The following GYPC variants were observed in gnomAD, a reference collection of about 807,000 sequenced individuals.
GYPC encodes the protein glycophorin-C.
Under a neutral mutation model 12.6 loss-of-function variants are expected in GYPC, and 14 were observed. The ratio of observed to expected loss-of-function variants is 1.11; its 90% confidence interval spans 0.74 to 1.74. The LOEUF (loss-of-function observed/expected upper bound fraction) is 1.74. Ranked by LOEUF, GYPC falls within the 40% of genes most tolerant of loss-of-function variation. GYPC has a pLI of 0.00. For missense variants in GYPC, 225 were observed against 172.1 expected (o/e 1.31, Z -1.72); for synonymous variants, 78 against 62.1 (o/e 1.26, Z -1.20).
chr2:126,688,286 T>C (rs1683347234), intron 1 of GYPC, among the ~76,000 whole-genome samples: 2 of 152,246 alleles, frequency 1.3e-5, no homozygotes, highest in Non-Finnish European at 2.9e-5. Flanking sequence ...TTTGAGCTTC[T>C]ATAACCATCC....
At chr2:126,666,318 T>G (rs1445371022) in intron 1 of GYPC, among the ~76,000 whole-genome samples, 1 of 152,230 alleles carries the variant, frequency 6.6e-6, no homozygotes, top group Non-Finnish European at 1.5e-5. Context: ...GAACCACCCC[T>G]GGGCTGGCAA....
chr2:126,656,181 G>T lies in GYPC; in HGVS notation c.-83G>T, dbSNP rs1029846286. 1 of 1,526,934 alleles carries T rather than the reference G, an allele frequency of 6.5e-7. No individual in the cohort carries two copies. The highest frequency in any genetic ancestry group is 2.5e-5 in the East Asian group (1 of 39,598). 94.6% of individuals were successfully genotyped at this position (1,526,934 alleles called of 1,614,324 possible). A position where few individuals can be genotyped will look rare whatever the true frequency, so the allele number is the denominator to read the frequency against. ...TTCCTCTCGCCGCCGAGGGTCAGGA[G>T]CCCGGGAGCGCGACCCTCCCCCGGC... On this transcript the variant is annotated 5_prime_UTR_variant, in exon 1 of 4. Coordinates refer to ENST00000259254, the MANE Select transcript of GYPC (RefSeq NM_002101.5).
chr2:126,656,208 C>G lies in GYPC; in HGVS notation c.-56C>G. On this transcript the variant is annotated 5_prime_UTR_variant, in exon 1 of 4. Coordinates refer to ENST00000259254, the MANE Select transcript of GYPC (RefSeq NM_002101.5). ...CCGGGAGCGCGACCCTCCCCCGGCC[C>G]GGCCTGGCCCGGCCTGGCCAGTCCC... 1 of 1,553,046 alleles carries G rather than the reference C, an allele frequency of 6.4e-7. No homozygotes were observed. Among genetic ancestry groups the G allele is most frequent in the Non-Finnish European group, 8.7e-7 (1 of 1,151,434 alleles).
At chr2:126,674,760 G>A (rs188604745) in intron 1 of GYPC, among the ~76,000 whole-genome samples, 27 of 152,278 alleles carry the variant, frequency 1.8e-4, no homozygotes, top group Non-Finnish European at 3.5e-4. Flanking sequence ...GGGAGCTCTG[G>A]CTGGAGGGGT....
Position 126,696,052 on chromosome 2 carries a change from G to A in GYPC, c.297G>A (p.Thr99=), listed in dbSNP as rs541336342. The change falls in exon 4 of 4, where the codon ACG becomes ACA. Residue 99 remains threonine, a synonymous_variant. Transcript: ENST00000259254. ...GTYHTNEAKG[T]EFAESADAAL... ...ACCACACCAATGAGGCCAAGGGCAC[G>A]GAGTTTGCTGAGAGTGCAGATGCAG... 57 of 1,614,160 alleles carry A rather than the reference G, an allele frequency of 3.5e-5. 1 individual carries two copies. In the Middle Eastern group the frequency reaches 6.6e-4, roughly 19 times the overall value.
chr2:126,680,337 G>A (rs1683119711), intron 1 of GYPC: 1 of 152,218 alleles, frequency 6.6e-6, no homozygotes, highest in Non-Finnish European at 1.5e-5. Flanking sequence ...ACACTTCAGT[G>A]TAGGGTTTCC....
At chr2:126,686,790 C>T in intron 1 of GYPC, 1 of 784,456 alleles carries the variant, frequency 1.3e-6, no homozygotes, top group Non-Finnish European at 1.5e-6. Context: ...ATTTCTGATA[C>T]CAGACCCAAG....
At chr2:126,662,863 C>T (rs542026852) in intron 1 of GYPC, among the ~76,000 whole-genome samples, 242 of 152,162 alleles carry the variant, frequency 1.6e-3, no homozygotes, top group African/African-American at 5.4e-3. Context: ...TGTGCTTAAA[C>T]GCCAGCTTCC....
intron 2 of GYPC, among the ~76,000 whole-genome samples, chr2:126,692,342 C>T (rs1683497862): frequency 6.6e-6 from 1 of 152,106 alleles, no homozygotes; most frequent in South Asian, 2.1e-4. Flanking sequence ...TGCTGTGGAC[C>T]CCTAGCTGGG....
chr2:126,675,620 T>C (rs1682976128), intron 1 of GYPC: 1 of 917,534 alleles, frequency 1.1e-6, no homozygotes, highest in African/African-American at 1.8e-5. Context: ...CTACCCTGCT[T>C]CAAAACTCTA....
chr2:126,666,750 CACACACAT>C (rs1477265181), intron 1 of GYPC, among the ~76,000 whole-genome samples: 10 of 127,276 alleles, frequency 7.9e-5, no homozygotes, highest in African/African-American at 3.0e-4. Flanking sequence ...CACACACACA[CACACACAT>C]ATGCACGCAC....
At chr2:126,675,781 C>A (rs531707779) in intron 1 of GYPC, 3 of 530,100 alleles carry the variant, frequency 5.7e-6, no homozygotes, top group Non-Finnish European at 7.2e-6. Context: ...TGATATTCAC[C>A]GTAGTAGTGA....
chr2:126,657,373 T>TA (rs1304929307), intron 1 of GYPC, among the ~76,000 whole-genome samples: 1 of 152,218 alleles, frequency 6.6e-6, no homozygotes, highest in Non-Finnish European at 1.5e-5. Context: ...GCACTGCCTA[T>TA]AAACAAGGCA....
Position 126,696,548 on chromosome 2 carries a change from T to A in GYPC, c.*406T>A, listed in dbSNP as rs1372531782. 3.3e-6 allele frequency: 1 copy of A among 300,532 alleles called. No individual in the cohort carries two copies. Among genetic ancestry groups the A allele is most frequent in the East Asian group, 8.5e-5 (1 of 11,766 alleles). The allele number at this position is 300,532 out of a possible 1,614,324, so 18.6% of individuals were successfully genotyped here. A position where few individuals can be genotyped will look rare whatever the true frequency, so the allele number is the denominator to read the frequency against. ...TCATCTGTATGCTGACTGGGGATAA[T>A]GGCATCAAATGTCAGTCCTTGACAT... On this transcript the variant is annotated 3_prime_UTR_variant, in exon 4 of 4. Coordinates refer to ENST00000259254, the MANE Select transcript of GYPC (RefSeq NM_002101.5).
At position 126,695,928 on chromosome 2, in the gene GYPC, AC is replaced by A; in HGVS notation, c.191-16del. On this transcript the variant is annotated splice_polypyrimidine_tract_variant and intron_variant, in intron 3 of 3. Coordinates refer to ENST00000259254, the MANE Select transcript of GYPC (RefSeq NM_002101.5). ...GCCCCTGCCTCAGACTGACCCTTGC[AC>A]CTCTTCCCACCTGCAGGTGTGATTG... 1.2e-6 allele frequency: 2 copies of A among 1,610,690 alleles called. No individual in the cohort carries two copies. Among genetic ancestry groups the A allele is most frequent in the Non-Finnish European group, 1.7e-6 (2 of 1,177,382 alleles).
chr2:126,695,867 C>T, intron 3 of GYPC, 79 bp from the exon 4 acceptor site: 1 of 1,077,826 alleles, frequency 9.3e-7, no homozygotes, highest in Non-Finnish European at 1.4e-6. Context: ...CCTCACACAA[C>T]CCCTGTGGGT....
intron 1 of GYPC, chr2:126,678,172 A>G (rs1258821255): frequency 6.6e-6 from 1 of 152,182 alleles, no homozygotes; most frequent in African/African-American, 2.4e-5. Flanking sequence ...CAGTGAGCCG[A>G]GATGGCACCA....
At chr2:126,682,711 C>G (rs896500235) in intron 1 of GYPC, among the ~76,000 whole-genome samples, 1 of 152,214 alleles carries the variant, frequency 6.6e-6, no homozygotes, top group Non-Finnish European at 1.5e-5. Flanking sequence ...TTCAGGGCAG[C>G]TTTCTGCTTC....
intron 1 of GYPC, among the ~76,000 whole-genome samples, chr2:126,659,521 C>G (rs890845809): frequency 1.3e-5 from 2 of 152,132 alleles, no homozygotes; most frequent in African/African-American, 4.8e-5. Context: ...CCAGAGTCAC[C>G]CGAAGAGCAA....
Sources: gnomAD v4.1 joint callset for allele counts (sites outside exome capture counted in the v4.1 genomes callset) on GRCh38, gnomAD v4.1.1 for gene constraint, MANE v1.5 for transcripts, NCBI Gene and HGNC (gene_info 2026-07-23, HGNC 2026-07-21) for gene names.